Variants in CELF2 observed in about 807,000 individuals in gnomAD.
The protein encoded by CELF2 is CUGBP Elav-like family member 2, also known as CUG triplet repeat RNA-binding protein 2.
In CELF2, 8 loss-of-function variants were observed where a neutral mutation model predicts 62.6. The ratio of observed to expected loss-of-function variants is 0.13; its 90% CI spans 0.07 to 0.23. The LOEUF (loss-of-function observed/expected upper bound fraction) is 0.23. CELF2 is among the 10% of genes least tolerant of loss of function. The probability of loss-of-function intolerance (pLI) is 1.00; values close to 1 mark genes in which losing one functional copy is unlikely to be tolerated. For missense variants in CELF2, 333 were observed against 671.0 expected, an observed-to-expected ratio of 0.50 and a Z score of 5.56; for synonymous variants, 258 against 250.0, an observed-to-expected ratio of 1.03 and a Z score of -0.30.
intron 10 of CELF2, chr10:11,320,875 T>G (rs1354545986): frequency 7.8e-6 from 12 of 1,546,264 alleles, no homozygotes; most frequent in Non-Finnish European, 1.0e-5. Context: ...AGCAAAAGGC[T>G]TTTACTTCCA....
At chr10:11,132,873 C>A (rs1351540532) in intron 1 of CELF2, among the ~76,000 whole-genome samples, 2 of 152,046 alleles carry the variant, frequency 1.3e-5, no homozygotes, top group Non-Finnish European at 2.9e-5. Context: ...TTTTAAGCAC[C>A]AATAGAGTTT....
intron 1 of CELF2, among the ~76,000 whole-genome samples, chr10:10,907,183 C>G (rs778251659): frequency 5.9e-5 from 9 of 151,922 alleles, no homozygotes; most frequent in Non-Finnish European, 1.0e-4. Flanking sequence ...TGCAACAGGC[C>G]CTAGAGATTT....
At chr10:10,572,161 A>G in the CELF2 span, among the ~76,000 whole-genome samples, 1 of 152,074 alleles carries the variant, frequency 6.6e-6, no homozygotes, top group Non-Finnish European at 1.5e-5. Context: ...GTTCTTTAAG[A>G]AGTCCCATTT....
chr10:11,040,183 T>C (rs2061586595), intron 1 of CELF2, among the ~76,000 whole-genome samples: 1 of 152,184 alleles, frequency 6.6e-6, no homozygotes, highest in Non-Finnish European at 1.5e-5. Context: ...AGGGTGGCAT[T>C]TCATTTATGT....
At chr10:11,022,263 C>G (rs1196220748) in intron 1 of CELF2, among the ~76,000 whole-genome samples, 1 of 152,048 alleles carries the variant, frequency 6.6e-6, no homozygotes, top group Non-Finnish European at 1.5e-5. Context: ...AGCTGCTTTC[C>G]GAGAGGAAGA....
chr10:11,000,711 T>C (rs1834211465), upstream of CELF2, among the ~76,000 whole-genome samples: 1 of 152,228 alleles, frequency 6.6e-6, no homozygotes, highest in South Asian at 2.1e-4. Context: ...ACCCTTTCTT[T>C]AGCAATGCTA....
the CELF2 span, among the ~76,000 whole-genome samples, chr10:10,511,837 G>A: frequency 6.6e-6 from 1 of 152,106 alleles, no homozygotes; most frequent in Non-Finnish European, 1.5e-5. Context: ...CCATATCAAG[G>A]CCTGCTACTC....
chr10:11,099,881 CAACAAA>C (rs772489426), intron 1 of CELF2, among the ~76,000 whole-genome samples: 3,275 of 133,712 alleles, frequency 0.024, 111 homozygotes, highest in African/African-American at 0.08. Flanking sequence ...ACAACAACAA[CAACAAA>C]AAAAAAAAAA....
intron 1 of CELF2, among the ~76,000 whole-genome samples, chr10:10,914,746 A>T (rs1428911067): frequency 6.6e-6 from 1 of 152,174 alleles, no homozygotes; most frequent in Non-Finnish European, 1.5e-5. Flanking sequence ...CCATCACCTC[A>T]TTCTACTTCT....
At chr10:10,742,972 G>A in the CELF2 span, among the ~76,000 whole-genome samples, 1 of 152,254 alleles carries the variant, frequency 6.6e-6, no homozygotes, top group Non-Finnish European at 1.5e-5. Flanking sequence ...AGGCATTTCT[G>A]TCTTTGCTTT....
At chr10:11,054,489 TTGTGTGTGTG>T (rs35465939) in intron 1 of CELF2, among the ~76,000 whole-genome samples, 5 of 149,582 alleles carry the variant, frequency 3.3e-5, no homozygotes, top group Middle Eastern at 3.4e-3. Flanking sequence ...GTATGTGTGT[TTGTGTGTGTG>T]TGTGTGTGTG....
chr10:10,908,516 G>T (rs550239396), intron 1 of CELF2, among the ~76,000 whole-genome samples: 1 of 151,980 alleles, frequency 6.6e-6, no homozygotes, highest in East Asian at 1.9e-4. Flanking sequence ...CACCGCGCCC[G>T]ACCTGAAGGG....
chr10:10,492,977 A>T, the CELF2 span, among the ~76,000 whole-genome samples: 2 of 152,086 alleles, frequency 1.3e-5, no homozygotes, highest in African/African-American at 4.8e-5. Flanking sequence ...TCCTGCCGTG[A>T]TTGTGAGGCC....
chr10:11,328,800 C>A lies in CELF2; in HGVS notation c.1439-126C>A. Reference sequence around the variant, plus strand: ...TGGACTCACGATCAGTTCCGCAGAGCTGTGCTGGGCCCGTGGGGCTGGCAC... The same window carrying A: ...TGGACTCACGATCAGTTCCGCAGAGATGTGCTGGGCCCGTGGGGCTGGCAC... On this transcript the variant is annotated intron_variant, in intron 12 of 12. Coordinates refer to ENST00000633077, the MANE Select transcript of CELF2 (RefSeq NM_001326342.2). This position sits in a 1 kb window ranked among gnomAD's most constrained non-coding sequence, Gnocchi z 6.4. 9.4e-7 allele frequency: 1 copy of A among 1,058,244 alleles called. No individual in the cohort carries two copies. 65.6% of individuals were successfully genotyped at this position (1,058,244 alleles called of 1,614,324 possible). A position where few individuals can be genotyped will look rare whatever the true frequency, so the allele number is the denominator to read the frequency against.
At chr10:10,670,533 A>G in the CELF2 span, among the ~76,000 whole-genome samples, 1 of 152,174 alleles carries the variant, frequency 6.6e-6, no homozygotes, top group Non-Finnish European at 1.5e-5. Flanking sequence ...ATAGCCTCCC[A>G]CATTATCAGC....
At chr10:10,691,581 C>A in the CELF2 span, among the ~76,000 whole-genome samples, 2 of 152,202 alleles carry the variant, frequency 1.3e-5, no homozygotes, top group African/African-American at 2.4e-5. Flanking sequence ...GGAATCACCA[C>A]ACTGACTTCC....
rs887670740 is a variant in CELF2 at position 11,332,356 on chromosome 10, C to A, written c.*3303C>A. The A allele has an allele frequency of 6.6e-6, 1 of 152,256 alleles. No homozygotes were observed. Among genetic ancestry groups the A allele is most frequent in the Non-Finnish European group, 1.5e-5 (1 of 68,026 alleles). 9.4% of individuals were successfully genotyped at this position (152,256 alleles called of 1,614,324 possible). On this transcript the variant is annotated 3_prime_UTR_variant, in exon 13 of 13. Transcript: ENST00000633077. ...CTAATCAGCCATTATGCTGGGGCATCTCTGATCCCAGTAGGTACCTCTGAA... is the reference window on the plus strand; with the variant it reads ...CTAATCAGCCATTATGCTGGGGCATATCTGATCCCAGTAGGTACCTCTGAA...
At chr10:10,904,664 C>T (rs960684370) in intron 1 of CELF2, among the ~76,000 whole-genome samples, 5 of 152,158 alleles carry the variant, frequency 3.3e-5, no homozygotes, top group Admixed American at 6.5e-5. Context: ...TTGCAGACGT[C>T]GCTGTGATTA....
upstream of CELF2, among the ~76,000 whole-genome samples, chr10:11,014,244 G>A (rs550731284): frequency 1.1e-4 from 16 of 152,310 alleles, no homozygotes; most frequent in South Asian, 3.3e-3. Flanking sequence ...CAGTAAAGGT[G>A]GCTTTTTGAG....
Sources: gnomAD v4.1 joint callset for allele counts (sites outside exome capture counted in the v4.1 genomes callset) on GRCh38, gnomAD v4.1.1 for gene constraint, Gnocchi (gnomAD v3.1) non-coding constraint, MANE v1.5 for transcripts, NCBI Gene and HGNC (gene_info 2026-07-23, HGNC 2026-07-21) for gene names.